Variants in SETBP1 observed in about 807,000 individuals in gnomAD.
SETBP1 encodes SET binding protein 1.
SETBP1 carries 9 observed loss-of-function variants against 101.0 expected under a neutral mutation model. That is an observed-to-expected ratio of 0.09 (90% CI 0.05 to 0.16). SETBP1 has a LOEUF of 0.16. Among genes scored for constraint, SETBP1 ranks in the 10% least tolerant of loss-of-function variants. The pLI, the probability that SETBP1 is intolerant of heterozygous loss-of-function variation, is 1.00. For missense variants in SETBP1, 1,858 were observed against 2,033.8 expected (o/e 0.91, Z 1.66); for synonymous variants, 818 against 788.5 (o/e 1.04, Z -0.63).
intron 4 of SETBP1, among the ~76,000 whole-genome samples, chr18:45,007,795 G>T (rs1330181653): frequency 6.6e-6 from 1 of 152,160 alleles, no homozygotes; most frequent in Non-Finnish European, 1.5e-5. Flanking sequence ...CTAACATGAT[G>T]CAGTAACCTT....
chr18:44,721,500 A>C (rs561769628), intron 2 of SETBP1, among the ~76,000 whole-genome samples: 4 of 151,652 alleles, frequency 2.6e-5, no homozygotes, highest in African/African-American at 9.7e-5. Context: ...TGTTTTGTCT[A>C]TTCTTTGCCA....
chr18:44,911,813 A>C (rs984162427), intron 3 of SETBP1, among the ~76,000 whole-genome samples: 1 of 152,186 alleles, frequency 6.6e-6, no homozygotes, highest in Non-Finnish European at 1.5e-5. Flanking sequence ...ACTTGACTAC[A>C]TGCCAGGGAC....
chr18:44,855,786 G>T (rs1161564399), intron 2 of SETBP1, among the ~76,000 whole-genome samples: 1 of 152,216 alleles, frequency 6.6e-6, no homozygotes, highest in Non-Finnish European at 1.5e-5. Flanking sequence ...GCTCAGATCT[G>T]CCTGCCACAT....
chr18:44,797,544 G>A (rs908855446), intron 2 of SETBP1, among the ~76,000 whole-genome samples: 1 of 152,176 alleles, frequency 6.6e-6, no homozygotes, highest in Admixed American at 6.5e-5. Context: ...CTGGTGAGAG[G>A]TGGCCCCATC....
At chr18:44,815,063 C>T (rs1458195506) in intron 2 of SETBP1, among the ~76,000 whole-genome samples, 2 of 152,218 alleles carry the variant, frequency 1.3e-5, no homozygotes, top group South Asian at 2.1e-4. Flanking sequence ...AGATATATAG[C>T]TGCTGGCCTT....
chr18:44,991,244 C>CA (rs55811938), intron 4 of SETBP1, among the ~76,000 whole-genome samples: 3,707 of 68,184 alleles, frequency 0.054, 127 homozygotes, highest in East Asian at 0.12. Context: ...CTGCATCTCA[C>CA]AAAAAAAAAA....
At chr18:44,956,120 A>G (rs1454273140) in intron 4 of SETBP1, among the ~76,000 whole-genome samples, 2 of 152,086 alleles carry the variant, frequency 1.3e-5, no homozygotes, top group Non-Finnish European at 1.5e-5. Context: ...TGCTACATCT[A>G]TATGAGCTAT....
intron 2 of SETBP1, among the ~76,000 whole-genome samples, chr18:44,784,320 A>AT (rs566532729): frequency 1.5e-4 from 23 of 151,806 alleles, no homozygotes; most frequent in African/African-American, 2.2e-4. Context: ...TGGACAAAGG[A>AT]TTTTTTTTCT....
intron 2 of SETBP1, among the ~76,000 whole-genome samples, chr18:44,815,384 G>A (rs1255916568): frequency 1.3e-5 from 2 of 152,250 alleles, no homozygotes; most frequent in African/African-American, 4.8e-5. Context: ...AGAGGAGGCT[G>A]TACGGGGCAG....
At chr18:44,765,139 C>T (rs913582842) in intron 2 of SETBP1, among the ~76,000 whole-genome samples, 8 of 152,050 alleles carry the variant, frequency 5.3e-5, no homozygotes, top group African/African-American at 9.7e-5. Context: ...CTCCGTGTTA[C>T]GAAATTCACC....
intron 2 of SETBP1, among the ~76,000 whole-genome samples, chr18:44,730,476 G>A (rs1257192932): frequency 2.0e-5 from 3 of 152,192 alleles, no homozygotes; most frequent in Admixed American, 6.5e-5. Context: ...GGGAAAGAAG[G>A]CAGTGAGGAA....
At chr18:45,031,485 G>A (rs2073296794) in intron 4 of SETBP1, among the ~76,000 whole-genome samples, 1 of 152,146 alleles carries the variant, frequency 6.6e-6, no homozygotes. Context: ...CACACAGCTA[G>A]TAAGACCAGC....
intron 4 of SETBP1, among the ~76,000 whole-genome samples, chr18:45,020,728 A>G (rs1764344449): frequency 6.6e-6 from 1 of 151,948 alleles, no homozygotes; most frequent in South Asian, 2.1e-4. Context: ...TCACCATGCA[A>G]TTTTTTTTGA....
chr18:45,042,994 A>G (rs2073539331), intron 5 of SETBP1, among the ~76,000 whole-genome samples: 1 of 152,240 alleles, frequency 6.6e-6, no homozygotes, highest in African/African-American at 2.4e-5. Flanking sequence ...CTAATGCAGT[A>G]AAAGCGCCAC....
At chr18:45,042,487 C>T (rs868819802) in intron 5 of SETBP1, among the ~76,000 whole-genome samples, 1 of 152,174 alleles carries the variant, frequency 6.6e-6, no homozygotes, top group Admixed American at 6.5e-5. Flanking sequence ...CTGGAAAATA[C>T]TTGCCAAATA....
chr18:44,696,251 A>G (rs987476190), intron 1 of SETBP1, among the ~76,000 whole-genome samples: 4 of 152,224 alleles, frequency 2.6e-5, no homozygotes, highest in African/African-American at 4.8e-5. Context: ...TACTGCTGTA[A>G]GGGAGAAATA....
rs36086022 is a variant in SETBP1, at chr18:44,998,534, C to T, written c.4001-39951C>T. Among the ~76,000 whole-genome samples, 821 of 152,392 alleles carry T rather than the reference C, an allele frequency of 5.4e-3. 4 individuals are homozygous for T. The highest frequency in any genetic ancestry group is 8.8e-3 in the Non-Finnish European group (596 of 68,044). ...TCAGTAGACATATTGGCTGTATTCA[C>T]AGCTTCCAGCGCTGATCTCAACGAC... On this transcript the variant is annotated intron_variant, in intron 4 of 5. Transcript: ENST00000649279.
chr18:44,953,714 A>G (rs573928543), intron 4 of SETBP1, among the ~76,000 whole-genome samples: 1 of 152,310 alleles, frequency 6.6e-6, no homozygotes, highest in Admixed American at 6.5e-5. Context: ...GAATACTAAT[A>G]AGATCCAAGA....
At chr18:44,940,647 A>G (rs2071066991) in intron 3 of SETBP1, among the ~76,000 whole-genome samples, 1 of 152,206 alleles carries the variant, frequency 6.6e-6, no homozygotes, top group South Asian at 2.1e-4. Context: ...ATACCTCTAT[A>G]TGTACGCTCT....
Sources: gnomAD v4.1 joint callset for allele counts (sites outside exome capture counted in the v4.1 genomes callset) on GRCh38, gnomAD v4.1.1 for gene constraint, MANE v1.5 for transcripts, NCBI Gene and HGNC (gene_info 2026-07-23, HGNC 2026-07-21) for gene names.